The following SLIT2 variants were observed in gnomAD, a reference collection of about 807,000 sequenced individuals.
SLIT2 encodes the protein slit homolog 2 protein.
SLIT2 carries 41 observed loss-of-function variants against 185.7 expected under a neutral mutation model. The ratio of observed to expected loss-of-function variants is 0.22; its 90% CI spans 0.17 to 0.29. The LOEUF is 0.29. Among genes scored for constraint, SLIT2 ranks in the 10% least tolerant of loss-of-function variants. SLIT2 has a pLI of 1.00. For synonymous variants in SLIT2, 693 were observed against 680.2 expected (o/e 1.02, Z -0.29); for missense variants, 1,571 against 1,909.0 (o/e 0.82, Z 3.30).
chr4:20,500,817 T>A (rs1364455105), intron 9 of SLIT2, among the ~76,000 whole-genome samples: 1 of 152,100 alleles, frequency 6.6e-6, no homozygotes, highest in African/African-American at 2.4e-5. Context: ...TAGAATTGCG[T>A]TCTCAAATTT....
intron 36 of SLIT2, 77 bp downstream of exon 36, chr4:20,617,727 A>G: frequency 1.2e-6 from 1 of 847,130 alleles, no homozygotes; most frequent in Non-Finnish European, 1.7e-6. Context: ...GAGAGGGAGA[A>G]AAAGTGAAAA....
At chr4:20,587,492 G>A (rs895839533) in intron 29 of SLIT2, among the ~76,000 whole-genome samples, 2 of 152,152 alleles carry the variant, frequency 1.3e-5, no homozygotes, top group African/African-American at 4.8e-5. Context: ...GTTCAAGTTG[G>A]CATGCTTAAT....
At chr4:20,305,888 A>G (rs1717496823) in intron 4 of SLIT2, among the ~76,000 whole-genome samples, 1 of 109,482 alleles carries the variant, frequency 9.1e-6, no homozygotes, top group African/African-American at 2.9e-5. Context: ...TAATAATAAT[A>G]ATAATAATAA....
chr4:20,607,418 A>G (rs1728875269), intron 33 of SLIT2, among the ~76,000 whole-genome samples: 1 of 152,232 alleles, frequency 6.6e-6, no homozygotes, highest in Non-Finnish European at 1.5e-5. Context: ...TTCCTAATAC[A>G]TCTCTCTTGT....
At chr4:20,271,191 C>T (rs1309867509) in intron 4 of SLIT2, among the ~76,000 whole-genome samples, 1 of 151,406 alleles carries the variant, frequency 6.6e-6, no homozygotes, top group Non-Finnish European at 1.5e-5. Flanking sequence ...CTTTATAATG[C>T]TCATTTAAAA....
At chr4:20,262,730 G>T (rs1037160246) in intron 3 of SLIT2, among the ~76,000 whole-genome samples, 13 of 151,938 alleles carry the variant, frequency 8.6e-5, no homozygotes, top group Admixed American at 7.9e-4. Flanking sequence ...ATATGCCAAT[G>T]ATGTTCACCT....
rs1717505185 is a variant in SLIT2, at chr4:20,488,814, T to A, written c.612-5T>A. 6.4e-7 allele frequency: 1 copy of A among 1,572,094 alleles called. No individual in the cohort carries two copies. The highest frequency in any genetic ancestry group is 1.4e-5 in the African/African-American group (1 of 73,390). On this transcript the variant is annotated splice_region_variant and splice_polypyrimidine_tract_variant and intron_variant, in intron 7 of 36. Coordinates refer to ENST00000504154, the MANE Select transcript of SLIT2 (RefSeq NM_004787.4). Reference sequence around the variant, plus strand: ...TTGCTTTACACTTCTTTTTTTCTCATTTAGTCGACTGCATTCAAACAACCT... The same window carrying A: ...TTGCTTTACACTTCTTTTTTTCTCAATTAGTCGACTGCATTCAAACAACCT...
At chr4:20,407,677 T>C (rs751818671) in intron 4 of SLIT2, among the ~76,000 whole-genome samples, 1 of 152,190 alleles carries the variant, frequency 6.6e-6, no homozygotes, top group Non-Finnish European at 1.5e-5. Flanking sequence ...ATGTGAAATC[T>C]CTGTTTGCCT....
intron 26 of SLIT2, among the ~76,000 whole-genome samples, chr4:20,563,787 C>T (rs1046929275): frequency 6.6e-6 from 1 of 151,868 alleles, no homozygotes; most frequent in Admixed American, 6.6e-5. Flanking sequence ...CCTATTCCAA[C>T]TCTCTGGAAG....
intron 4 of SLIT2, among the ~76,000 whole-genome samples, chr4:20,356,887 C>A (rs1722370622): frequency 6.6e-6 from 1 of 152,096 alleles, no homozygotes; most frequent in African/African-American, 2.4e-5. Context: ...TTTTTGAAAT[C>A]TCCTTAGTAA....
chr4:20,265,492 A>G (rs1043157690), intron 3 of SLIT2, among the ~76,000 whole-genome samples: 12 of 152,044 alleles, frequency 7.9e-5, no homozygotes, highest in African/African-American at 2.9e-4. Flanking sequence ...ATATTACCAC[A>G]TTACTTACGT....
chr4:20,578,586 T>G (rs2148930574), intron 29 of SLIT2, among the ~76,000 whole-genome samples: 1 of 152,316 alleles, frequency 6.6e-6, no homozygotes, highest in Admixed American at 6.5e-5. Flanking sequence ...CGCCACCTCT[T>G]TCGTACATCT....
chr4:20,451,249 G>A (rs893632835), intron 4 of SLIT2, among the ~76,000 whole-genome samples: 2 of 152,076 alleles, frequency 1.3e-5, no homozygotes, highest in African/African-American at 4.8e-5. Context: ...TGATGTGACC[G>A]ATGTGACATT....
intron 4 of SLIT2, among the ~76,000 whole-genome samples, chr4:20,454,580 T>A (rs540638408): frequency 9.8e-4 from 149 of 152,288 alleles, no homozygotes; most frequent in Non-Finnish European, 1.9e-3. Flanking sequence ...ATGATATTTC[T>A]CAGTCAGACT....
chr4:20,438,684 A>G (rs2148696050), intron 4 of SLIT2, among the ~76,000 whole-genome samples: 1 of 152,152 alleles, frequency 6.6e-6, no homozygotes, highest in East Asian at 1.9e-4. Context: ...CTCTGATTTC[A>G]TTTCCTGCTG....
chr4:20,593,686 T>G (rs944241803), intron 30 of SLIT2, among the ~76,000 whole-genome samples: 2 of 152,166 alleles, frequency 1.3e-5, no homozygotes, highest in Non-Finnish European at 2.9e-5. Context: ...TTAGCTTGAC[T>G]GTGGTAATTA....
At chr4:20,262,816 G>A (rs761684927) in intron 3 of SLIT2, among the ~76,000 whole-genome samples, 1 of 151,904 alleles carries the variant, frequency 6.6e-6, no homozygotes, top group African/African-American at 2.4e-5. Context: ...CCTGTGCGCT[G>A]TTACAAGTTT....
At chr4:20,278,976 T>C (rs979277182) in intron 4 of SLIT2, among the ~76,000 whole-genome samples, 2 of 152,214 alleles carry the variant, frequency 1.3e-5, no homozygotes. Flanking sequence ...GCTGTGCTTT[T>C]ATACGGAGAA....
chr4:20,536,793 T>A (rs1465254432), intron 18 of SLIT2, among the ~76,000 whole-genome samples: 1 of 151,894 alleles, frequency 6.6e-6, no homozygotes, highest in Non-Finnish European at 1.5e-5. Flanking sequence ...TATAAGAATT[T>A]TTTATTTTCT....
Sources: gnomAD v4.1 joint callset for allele counts (sites outside exome capture counted in the v4.1 genomes callset) on GRCh38, gnomAD v4.1.1 for gene constraint, MANE v1.5 for transcripts, NCBI Gene and HGNC (gene_info 2026-07-23, HGNC 2026-07-21) for gene names.